The following KCNB2 variants were observed in gnomAD, a reference collection of about 807,000 sequenced individuals.
KCNB2 encodes the protein delayed rectifier potassium channel protein.
A neutral mutation model predicts 61.5 loss-of-function variants in KCNB2; 15 were observed. The observed-to-expected ratio is 0.24, with a 90% CI of 0.16 to 0.38. KCNB2 has a LOEUF of 0.38. Among genes scored for constraint, KCNB2 ranks in the 10% least tolerant of loss-of-function variants. The probability of loss-of-function intolerance (pLI) is 1.00; values close to 1 mark genes in which losing one functional copy is unlikely to be tolerated. For synonymous variants in KCNB2, 457 were observed against 446.0 expected (o/e 1.02, Z -0.31); for missense variants, 828 against 1,125.2 (o/e 0.74, Z 3.78).
At chr8:72,561,780 TATATATATAC>T (rs1453589289) in intron 1 of KCNB2, among the ~76,000 whole-genome samples, 7,268 of 78,958 alleles carry the variant, frequency 0.092, 1,638 homozygotes, top group African/African-American at 0.26. Context: ...TATATATGGA[TATATATATAC>T]ATATATATAT....
chr8:72,760,682 T>C (rs1440349), intron 2 of KCNB2, among the ~76,000 whole-genome samples: 105,860 of 152,060 alleles, frequency 0.7, 37,810 homozygotes, highest in African/African-American at 0.86. Context: ...ATGACAGGTA[T>C]GGAGCTCACA....
At chr8:72,903,917 A>C (rs1025363602) in intron 2 of KCNB2, among the ~76,000 whole-genome samples, 1 of 152,146 alleles carries the variant, frequency 6.6e-6, no homozygotes, top group Admixed American at 6.6e-5. Flanking sequence ...CCTTGACGAG[A>C]CTCCATGCTA....
intron 2 of KCNB2, among the ~76,000 whole-genome samples, chr8:72,859,435 T>G (rs993388315): frequency 6.6e-6 from 1 of 152,168 alleles, no homozygotes; most frequent in Non-Finnish European, 1.5e-5. Context: ...TACAGAGGCC[T>G]GCATTCATCA....
At chr8:72,619,300 T>A in intron 2 of KCNB2, 2 of 615,858 alleles carry the variant, frequency 3.2e-6, no homozygotes, top group South Asian at 1.4e-5. Context: ...CTGGAGAGAT[T>A]GGCAGGGGAA....
At chr8:72,801,482 A>G (rs1234055573) in intron 2 of KCNB2, among the ~76,000 whole-genome samples, 2 of 152,184 alleles carry the variant, frequency 1.3e-5, no homozygotes, top group African/African-American at 4.8e-5. Flanking sequence ...TTTGTAGGTC[A>G]TTTTGTTGTC....
chr8:72,779,025 T>G (rs1808711852), intron 2 of KCNB2, among the ~76,000 whole-genome samples: 1 of 152,090 alleles, frequency 6.6e-6, no homozygotes, highest in Non-Finnish European at 1.5e-5. Context: ...GTTGTTGGAT[T>G]GCTGAGCTCT....
At chr8:72,677,869 T>C (rs1033001583) in intron 2 of KCNB2, among the ~76,000 whole-genome samples, 1 of 152,214 alleles carries the variant, frequency 6.6e-6, no homozygotes, top group African/African-American at 2.4e-5. Context: ...ACATTCATTC[T>C]TAAATTAAAA....
chr8:72,586,909 C>T (rs545828582), intron 2 of KCNB2, among the ~76,000 whole-genome samples: 17 of 152,202 alleles, frequency 1.1e-4, no homozygotes, highest in Non-Finnish European at 2.4e-4. Flanking sequence ...AGGAAGTAAA[C>T]TCTACAGAAT....
intron 2 of KCNB2, among the ~76,000 whole-genome samples, chr8:72,632,241 T>A: frequency 6.6e-6 from 1 of 151,748 alleles, no homozygotes; most frequent in Non-Finnish European, 1.5e-5. Context: ...GTGAGACCCT[T>A]TCTCAAAAAA....
intron 2 of KCNB2, among the ~76,000 whole-genome samples, chr8:72,870,295 C>T (rs1213913352): frequency 6.6e-6 from 1 of 152,124 alleles, no homozygotes; most frequent in African/African-American, 2.4e-5. Flanking sequence ...CTTAACAATA[C>T]TGTATTGTGC....
At chr8:72,850,209 GTGTGTGTGTGTA>G (rs1421591557) in intron 2 of KCNB2, among the ~76,000 whole-genome samples, 886 of 27,480 alleles carry the variant, frequency 0.032, 8 homozygotes, top group Middle Eastern at 0.083. Context: ...GTGTGTGTGT[GTGTGTGTGTGTA>G]TGTGTGTGTG....
intron 2 of KCNB2, among the ~76,000 whole-genome samples, chr8:72,640,493 A>T (rs978816566): frequency 2.6e-5 from 4 of 152,034 alleles, no homozygotes; most frequent in African/African-American, 4.8e-5. Context: ...GAAAGTTATG[A>T]CTTAGCCATT....
intron 2 of KCNB2, among the ~76,000 whole-genome samples, chr8:72,844,189 G>A (rs1053490757): frequency 2.6e-5 from 4 of 152,060 alleles, no homozygotes; most frequent in East Asian, 3.9e-4. Flanking sequence ...TTTCTCCTTC[G>A]CTTATGAAGC....
intron 2 of KCNB2, among the ~76,000 whole-genome samples, chr8:72,821,586 T>C (rs2129001091): frequency 6.9e-6 from 1 of 145,670 alleles, no homozygotes; most frequent in South Asian, 2.2e-4. Flanking sequence ...GCTAGTGATC[T>C]GTTTTCTGGT....
intron 2 of KCNB2, among the ~76,000 whole-genome samples, chr8:72,700,141 A>G (rs1807091108): frequency 6.6e-6 from 1 of 152,152 alleles, no homozygotes; most frequent in African/African-American, 2.4e-5. Context: ...TGGGAGTTGA[A>G]CAATGAGAAC....
At chr8:72,657,938 G>C (rs966187416) in intron 2 of KCNB2, among the ~76,000 whole-genome samples, 2 of 152,092 alleles carry the variant, frequency 1.3e-5, no homozygotes, top group Non-Finnish European at 1.5e-5. Flanking sequence ...TGTCCTGACT[G>C]CTCCATCGAT....
chr8:72,540,977 T>G (rs1175139619), intron 1 of KCNB2, among the ~76,000 whole-genome samples: 1 of 137,154 alleles, frequency 7.3e-6, no homozygotes, highest in Non-Finnish European at 1.6e-5. Flanking sequence ...AGCTAGGCCC[T>G]GCTCCCAAGA....
intron 1 of KCNB2, among the ~76,000 whole-genome samples, chr8:72,561,761 G>GTATA (rs1563523550): frequency 2.0e-4 from 5 of 24,396 alleles, no homozygotes; most frequent in African/African-American, 6.3e-4. Context: ...ATATATATAT[G>GTATA]GATATATATA....
chr8:72,720,518 CCA>C (rs768173612), intron 2 of KCNB2, among the ~76,000 whole-genome samples: 12 of 152,130 alleles, frequency 7.9e-5, no homozygotes, highest in Admixed American at 1.3e-4. Flanking sequence ...TCCCGACTCT[CCA>C]CACTCTTCCC....
Sources: allele counts gnomAD v4.1 joint callset (sites outside exome capture counted in the v4.1 genomes callset), GRCh38; gene constraint gnomAD v4.1.1; transcripts MANE v1.5; gene names NCBI Gene and HGNC (gene_info 2026-07-23, HGNC 2026-07-21).